EVL: variants seen among roughly 807,000 people sequenced by gnomAD.
The protein encoded by EVL is ena/VASP-like protein.
A neutral mutation model predicts 59.6 loss-of-function variants in EVL; 21 were observed. That is an observed-to-expected ratio of 0.35 (90% CI 0.25 to 0.51). The LOEUF (loss-of-function observed/expected upper bound fraction) is 0.51. Ranked by LOEUF, EVL falls within the 20% of genes least tolerant of loss-of-function variation. The pLI, the probability that EVL is intolerant of heterozygous loss-of-function variation, is 0.97. For missense variants in EVL, 462 were observed against 546.6 expected (o/e 0.85, Z 1.54); for synonymous variants, 198 against 203.5 (o/e 0.97, Z 0.23).
chr14:100,029,980 C>T (rs1001370498), intron 1 of EVL, among the ~76,000 whole-genome samples: 1 of 152,104 alleles, frequency 6.6e-6, no homozygotes, highest in South Asian at 2.1e-4. Flanking sequence ...AGCACCTTGA[C>T]TTTTCTTATC....
chr14:100,051,993 T>G (rs1269413053), intron 1 of EVL, among the ~76,000 whole-genome samples: 1 of 152,198 alleles, frequency 6.6e-6, no homozygotes, highest in Non-Finnish European at 1.5e-5. Context: ...CAGAAATAGT[T>G]TGAAAACTCG....
intron 1 of EVL, among the ~76,000 whole-genome samples, chr14:100,057,889 T>G (rs796828741): frequency 2.3e-4 from 35 of 152,356 alleles, no homozygotes; most frequent in African/African-American, 8.2e-4. Context: ...TAACTAATTT[T>G]GGGTAGCCAT....
chr14:100,062,576 G>A (rs923191177), upstream of EVL, among the ~76,000 whole-genome samples: 1 of 152,104 alleles, frequency 6.6e-6, no homozygotes, highest in Non-Finnish European at 1.5e-5. Flanking sequence ...TAGCAAAGTA[G>A]TAGACCTGTA....
At chr14:100,069,014 T>G (rs2061994514) in intron 1 of EVL, among the ~76,000 whole-genome samples, 1 of 152,192 alleles carries the variant, frequency 6.6e-6, no homozygotes, top group Admixed American at 6.5e-5. Context: ...TCTAACGTAT[T>G]ATAGAACTTA....
rs775809296 is a variant in EVL at position 100,097,510 on chromosome 14, G to C, written c.210G>C (p.Gly70=). Residue 70 remains glycine (G), a synonymous_variant, in exon 3 of 14, where the codon GGG becomes GGC. Coordinates refer to ENST00000392920, the MANE Select transcript of EVL (RefSeq NM_016337.3). ...TGATCAATTATTCAATCGTGAAAGG[G>C]CTGAAGTACAATCAGGCCACGCCAA... ...QVVINYSIVK[G]LKYNQATPTF... The C allele has an allele frequency of 6.2e-7, 1 of 1,612,870 alleles. No individual in the cohort carries two copies.
At chr14:100,102,215 A>G (rs763299919) in intron 3 of EVL, 1 of 454,804 alleles carries the variant, frequency 2.2e-6, no homozygotes, top group South Asian at 1.6e-5. Flanking sequence ...TGTTATTTTT[A>G]TCAGTACCTT....
intron 3 of EVL, among the ~76,000 whole-genome samples, chr14:100,112,640 G>GC (rs1566706287): frequency 6.6e-6 from 1 of 152,106 alleles, no homozygotes; most frequent in Non-Finnish European, 1.5e-5. Flanking sequence ...TACACCCAAG[G>GC]CCCCTTGTGC....
At chr14:99,979,570 TA>T (rs869109812) in intron 1 of EVL, among the ~76,000 whole-genome samples, 1 of 152,050 alleles carries the variant, frequency 6.6e-6, no homozygotes, top group Admixed American at 6.6e-5. Flanking sequence ...ATATTTTTTT[TA>T]AAAAAAGGAT....
chr14:100,093,495 G>A (rs80229533), intron 2 of EVL, among the ~76,000 whole-genome samples: 7 of 152,136 alleles, frequency 4.6e-5, no homozygotes, highest in Non-Finnish European at 8.8e-5. Flanking sequence ...GTCATAGACC[G>A]TTGGGGGCTG....
intron 1 of EVL, among the ~76,000 whole-genome samples, chr14:100,034,919 A>G (rs964476755): frequency 2.6e-5 from 4 of 152,200 alleles, no homozygotes; most frequent in Non-Finnish European, 5.9e-5. Flanking sequence ...TATATATGCA[A>G]AAATGCTTAG....
At chr14:99,980,629 C>T (rs182323923) in intron 1 of EVL, among the ~76,000 whole-genome samples, 12 of 150,898 alleles carry the variant, frequency 8.0e-5, no homozygotes, top group African/African-American at 2.7e-4. Context: ...CTAGCTATCA[C>T]AGTTGGGTCC....
rs371471570 is a variant in EVL at position 100,137,698 on chromosome 14, G to T, written c.1032-42G>T. On this transcript the variant is annotated intron_variant, in intron 10 of 13. Transcript: ENST00000392920. ...CGAGGCTGGTGGGGCAGAGGCGGGC[G>T]CTGGCGCCGATTCACATGTCTGTTT... 12 of 1,613,810 alleles carry T rather than the reference G, an allele frequency of 7.4e-6. No homozygotes were observed. The South Asian group carries it at 9.9e-5, about 13-fold the overall frequency.
intron 1 of EVL, chr14:99,977,551 A>G (rs952829466): frequency 6.6e-6 from 1 of 152,070 alleles, no homozygotes; most frequent in Non-Finnish European, 1.5e-5. Flanking sequence ...GACATCCGCC[A>G]CTATGTGCGG....
intron 13 of EVL, among the ~76,000 whole-genome samples, chr14:100,143,431 G>A (rs922687333): frequency 6.6e-6 from 1 of 152,156 alleles, no homozygotes; most frequent in Non-Finnish European, 1.5e-5. Flanking sequence ...CAGCAGTGAG[G>A]CCACAGGCAG....
rs764547953 is a variant in EVL at position 100,128,743 on chromosome 14, C to G, written c.712C>G (p.Gln238Glu). The G allele has an allele frequency of 6.2e-7, 1 of 1,604,346 alleles. No individual in the cohort carries two copies. Among genetic ancestry groups the G allele is most frequent in the Admixed American group, 1.7e-5 (1 of 59,898 alleles). ...AGCTGGGGCCAAGCTGAGAAGAGTC[C>G]AACGGGTAAGAGCTCCTGTGTGCGG... ...AIAGAKLRRV[Q>E]RPEDASGGSS... The change falls in exon 6 of 14, where the codon CAA (glutamine) becomes GAA (glutamate). Residue 238 changes from glutamine to glutamate, a missense_variant. Physicochemically the swap from Gln to Glu is conservative, Grantham distance 29. Transcript: ENST00000392920.
intron 10 of EVL, 46 bp downstream of exon 10, chr14:100,137,690 A>C (rs1369644365): frequency 6.2e-7 from 1 of 1,613,828 alleles, no homozygotes; most frequent in Non-Finnish European, 8.5e-7. Flanking sequence ...GGTGGGGCAG[A>C]GGCGGGCGCT....
At chr14:100,036,782 T>C (rs1224439150) in intron 1 of EVL, among the ~76,000 whole-genome samples, 2 of 152,180 alleles carry the variant, frequency 1.3e-5, no homozygotes, top group African/African-American at 4.8e-5. Flanking sequence ...ACCGTGGCAC[T>C]CTAGGGCACT....
chr14:100,002,691 G>A (rs2060953442), intron 1 of EVL, among the ~76,000 whole-genome samples: 1 of 152,166 alleles, frequency 6.6e-6, no homozygotes. Context: ...TTTATAACTT[G>A]ATTTTGGAAA....
chr14:100,030,480 G>A (rs979544712), intron 1 of EVL, among the ~76,000 whole-genome samples: 3 of 152,180 alleles, frequency 2.0e-5, no homozygotes, highest in African/African-American at 7.2e-5. Flanking sequence ...GCATTTTATA[G>A]ACACTTATCC....
Sources: gnomAD v4.1 joint callset for allele counts (sites outside exome capture counted in the v4.1 genomes callset) on GRCh38, gnomAD v4.1.1 for gene constraint, MANE v1.5 for transcripts, NCBI Gene and HGNC (gene_info 2026-07-23, HGNC 2026-07-21) for gene names.